AGTPBP1: variants seen among roughly 807,000 people sequenced by gnomAD.
The protein encoded by AGTPBP1 is cytosolic carboxypeptidase 1.
In AGTPBP1, 70 loss-of-function variants were observed where a neutral mutation model predicts 143.9. The observed-to-expected ratio is 0.49, with a 90% CI of 0.40 to 0.59. AGTPBP1 has a LOEUF of 0.59. Ranked by LOEUF, AGTPBP1 falls within the 20% of genes least tolerant of loss-of-function variation. AGTPBP1 has a pLI of 0.00. For synonymous variants in AGTPBP1, 463 were observed against 500.2 expected (o/e 0.93, Z 0.99); for missense variants, 1,229 against 1,464.5 (o/e 0.84, Z 2.62).
chr9:85,790,526 A>G, the AGTPBP1 span, among the ~76,000 whole-genome samples: 1 of 152,162 alleles, frequency 6.6e-6, no homozygotes, highest in Non-Finnish European at 1.5e-5. Flanking sequence ...TGACTCCAAC[A>G]TGGAGGTAAT....
intron 25 of AGTPBP1, among the ~76,000 whole-genome samples, chr9:85,574,539 C>G (rs1293982417): frequency 1.3e-5 from 2 of 150,556 alleles, no homozygotes; most frequent in Non-Finnish European, 3.0e-5. Context: ...TATATACTAA[C>G]TTTTAGGAGA....
chr9:85,760,290 A>G, the AGTPBP1 span, among the ~76,000 whole-genome samples: 4 of 152,182 alleles, frequency 2.6e-5, no homozygotes, highest in Non-Finnish European at 5.9e-5. Flanking sequence ...TCATCCTGAT[A>G]CCAAAGCCTG....
At chr9:85,552,237 T>C (rs781673702) in intron 25 of AGTPBP1, among the ~76,000 whole-genome samples, 4 of 152,224 alleles carry the variant, frequency 2.6e-5, no homozygotes, top group Non-Finnish European at 4.4e-5. Flanking sequence ...ATGGTATCAT[T>C]ATGATGCAGA....
chr9:85,764,196 T>A, the AGTPBP1 span, among the ~76,000 whole-genome samples: 2 of 131,288 alleles, frequency 1.5e-5, no homozygotes, highest in Non-Finnish European at 3.4e-5. Context: ...TTAAATAGAC[T>A]TTTTTTTTTT....
At position 85,717,676 on chromosome 9, in the gene AGTPBP1, C is replaced by CT. The variant is rs775415618; in HGVS notation, c.-33-5111dup. On this transcript the variant is annotated intron_variant, in intron 1 of 25. Coordinates refer to ENST00000357081, the MANE Select transcript of AGTPBP1 (RefSeq NM_001330701.2). ...AGGCTTCATGAATGGGATGAGTATC[C>CT]TTTTTTTTTTTTTTTTAATATACTT... Among the ~76,000 whole-genome samples, 460 of 135,532 alleles carry CT rather than the reference C, an allele frequency of 3.4e-3. 2 individuals are homozygous for CT. The highest frequency in any genetic ancestry group is 7.3e-3 in the African/African-American group (272 of 37,182). 88.9% of individuals were successfully genotyped at this position (135,532 alleles called of 152,430 possible). A position where few individuals can be genotyped will look rare whatever the true frequency, so the allele number is the denominator to read the frequency against.
intron 25 of AGTPBP1, among the ~76,000 whole-genome samples, chr9:85,574,222 G>A (rs1827742524): frequency 6.6e-6 from 1 of 152,006 alleles, no homozygotes; most frequent in Non-Finnish European, 1.5e-5. Context: ...AGGGTTAAAT[G>A]GATTAAGGGC....
chr9:85,797,256 C>T, the AGTPBP1 span, among the ~76,000 whole-genome samples: 1 of 152,084 alleles, frequency 6.6e-6, no homozygotes, highest in African/African-American at 2.4e-5. Context: ...TACAGATGTG[C>T]ACCAGTACTC....
At chr9:85,776,036 C>T in the AGTPBP1 span, among the ~76,000 whole-genome samples, 6 of 152,176 alleles carry the variant, frequency 3.9e-5, no homozygotes, top group Admixed American at 1.3e-4. Flanking sequence ...TGAGATCATA[C>T]ATAATCTTCA....
At chr9:85,585,354 A>G in intron 23 of AGTPBP1, 109 bp downstream of exon 23, 2 of 1,141,092 alleles carry the variant, frequency 1.8e-6, no homozygotes, top group Non-Finnish European at 2.3e-6. Context: ...TGAAACAAAA[A>G]TGGCAAAATG....
Position 85,694,125 on chromosome 9 carries a change from A to G in AGTPBP1, c.33-1312T>C, listed in dbSNP as rs1051059825. Among the ~76,000 whole-genome samples the G allele has an allele frequency of 2.0e-5, 3 of 152,312 alleles. No homozygotes were observed. In the South Asian group the frequency reaches 6.2e-4, roughly 32 times the overall value. Reference sequence around the variant, plus strand: ...GGCCATTTTAAGGACTTTGGCTTTTACAATGAGTGAGATGGGAAATTTTTG... The same window carrying G: ...GGCCATTTTAAGGACTTTGGCTTTTGCAATGAGTGAGATGGGAAATTTTTG... On this transcript the variant is annotated intron_variant, in intron 2 of 25. Coordinates refer to ENST00000357081, the MANE Select transcript of AGTPBP1 (RefSeq NM_001330701.2).
At chr9:85,671,851 T>G (rs947820081) in intron 7 of AGTPBP1, among the ~76,000 whole-genome samples, 6 of 152,202 alleles carry the variant, frequency 3.9e-5, no homozygotes, top group African/African-American at 1.4e-4. Flanking sequence ...TATTGATTGC[T>G]GAAGAGAATT....
At chr9:85,728,462 A>G (rs1226220927) in intron 1 of AGTPBP1, among the ~76,000 whole-genome samples, 1 of 152,192 alleles carries the variant, frequency 6.6e-6, no homozygotes, top group African/African-American at 2.4e-5. Flanking sequence ...CTGAACCAGT[A>G]ATGTCCTGCC....
chr9:85,724,253 C>T (rs1195792494), intron 1 of AGTPBP1, among the ~76,000 whole-genome samples: 2 of 147,824 alleles, frequency 1.4e-5, no homozygotes, highest in African/African-American at 5.0e-5. Flanking sequence ...CACCATTGCA[C>T]TCCAGCCTGT....
chr9:85,580,958 G>A (rs908360391), intron 23 of AGTPBP1, among the ~76,000 whole-genome samples: 4 of 152,140 alleles, frequency 2.6e-5, no homozygotes, highest in East Asian at 1.9e-4. Context: ...ATATCTATAC[G>A]GATGTGCTCA....
At chr9:85,650,608 G>C (rs1833105693) in intron 11 of AGTPBP1, among the ~76,000 whole-genome samples, 1 of 152,152 alleles carries the variant, frequency 6.6e-6, no homozygotes, top group African/African-American at 2.4e-5. Flanking sequence ...GTTCTATGCA[G>C]ATTTTCAACT....
chr9:85,707,086 A>G (rs1446224337), intron 2 of AGTPBP1, among the ~76,000 whole-genome samples: 1 of 152,208 alleles, frequency 6.6e-6, no homozygotes, highest in East Asian at 1.9e-4. Context: ...AACTAAAATC[A>G]GTAAAAACCT....
chr9:85,615,990 A>T (rs1214024642), intron 17 of AGTPBP1, among the ~76,000 whole-genome samples: 6 of 145,386 alleles, frequency 4.1e-5, no homozygotes, highest in Non-Finnish European at 7.5e-5. Flanking sequence ...CCAGAAAAAA[A>T]TGCTGATAAC....
intron 1 of AGTPBP1, among the ~76,000 whole-genome samples, chr9:85,713,293 G>T (rs960815429): frequency 2.6e-5 from 4 of 152,158 alleles, no homozygotes; most frequent in African/African-American, 9.7e-5. Context: ...CACTTTGGGG[G>T]GCCAAGGCAG....
intron 17 of AGTPBP1, among the ~76,000 whole-genome samples, chr9:85,598,515 T>A (rs1255141496): frequency 6.6e-6 from 1 of 152,202 alleles, no homozygotes; most frequent in Non-Finnish European, 1.5e-5. Context: ...AAAGGAGTAC[T>A]TTAAATTCTC....
Sources: gnomAD v4.1 joint callset for allele counts (sites outside exome capture counted in the v4.1 genomes callset) on GRCh38, gnomAD v4.1.1 for gene constraint, MANE v1.5 for transcripts, NCBI Gene and HGNC (gene_info 2026-07-23, HGNC 2026-07-21) for gene names.